Variants in SLC39A3 observed in about 807,000 individuals in gnomAD.
SLC39A3 encodes zinc transporter ZIP3.
Under a neutral mutation model 5.1 loss-of-function variants are expected in SLC39A3, and 3 were observed. The observed-to-expected ratio is 0.59, with a 90% CI of 0.27 to 1.54. The LOEUF (loss-of-function observed/expected upper bound fraction) is 1.54, where lower values mean the gene tolerates loss of function less well. SLC39A3 is among the 40% of genes most tolerant of loss of function. The probability of loss-of-function intolerance (pLI) is 0.12; values close to 1 mark genes in which losing one functional copy is unlikely to be tolerated. For missense variants in SLC39A3, 412 were observed against 436.4 expected (o/e 0.94, Z 0.50); for synonymous variants, 250 against 218.8 (o/e 1.14, Z -1.26).
At position 2,733,197 on chromosome 19, in the gene SLC39A3, G is replaced by A; in HGVS notation, c.499C>T (p.Pro167Ser). The change falls in exon 3 of 3, where the codon CCC becomes TCC. Residue 167 changes from proline to serine, a missense_variant. By Grantham distance (74) the Pro-to-Ser change is moderately conservative. Transcript: ENST00000269740. This position sits in a 1 kb window ranked among gnomAD's most constrained non-coding sequence, Gnocchi z 6.1. ...AAGGCCAGGCTGAGCAGGCGCACGG[G>A]GCTGGCGCGCGAGAGGCCCTGCACG... Reference protein sequence around the residue: ...LSVQGLSRASPVRLLSLAFAL... With the variant: ...LSVQGLSRASSVRLLSLAFAL... 6.2e-7 allele frequency: 1 copy of A among 1,607,738 alleles called. No individual in the cohort carries two copies. The highest frequency in any genetic ancestry group is 8.5e-7 in the Non-Finnish European group (1 of 1,177,266).
intron 1 of SLC39A3, chr19:2,739,427 T>C (rs1464596799): frequency 1.3e-5 from 2 of 152,220 alleles, no homozygotes; most frequent in Non-Finnish European, 2.9e-5. Flanking sequence ...ATGGCCCCGC[T>C]ACCTCACTGC....
In SLC39A3 at chr19:2,732,976, G is replaced by A. The variant is rs770734927; in HGVS notation, c.720C>T (p.Ile240=). Residue 240 remains isoleucine, a synonymous_variant, in exon 3 of 3, where the codon ATC becomes ATT. Coordinates refer to ENST00000269740, the MANE Select transcript of SLC39A3 (RefSeq NM_144564.5). Reference sequence around the variant, plus strand: ...CCAGGCCCAGGCCGATGCCCAGGGGGATCATGGCGCTTACGGTGACCGCCA... The same window carrying A: ...CCAGGCCCAGGCCGATGCCCAGGGGAATCATGGCGCTTACGGTGACCGCCA... The part of the protein sequence containing the change: ...AKLAVTVSAM[I]PLGIGLGLGI... The A allele has an allele frequency of 5.6e-6, 9 of 1,601,982 alleles. No homozygotes were observed. Among genetic ancestry groups the A allele is most frequent in the Non-Finnish European group, 7.7e-6 (9 of 1,173,294 alleles).
Position 2,733,307 on chromosome 19 carries a change from T to C in SLC39A3, c.389A>G (p.Asp130Gly). ...TFNAGSDVGS[D>G]SEYESPFMGG... Reference sequence around the variant, plus strand: ...CATGAAGGGGCTCTCATACTCCGAGTCGCTGCCCACGTCCGATCCGGCGTT... The same window carrying C: ...CATGAAGGGGCTCTCATACTCCGAGCCGCTGCCCACGTCCGATCCGGCGTT... The change falls in exon 3 of 3, where the codon GAC (aspartate) becomes GGC (glycine). Residue 130 changes from aspartate (D) to glycine (G), a missense_variant. Physicochemically the swap from Asp to Gly is moderately conservative, Grantham distance 94. Transcript: ENST00000269740. This position sits in a 1 kb window ranked among gnomAD's most constrained non-coding sequence, Gnocchi z 6.1. 1 of 1,612,696 alleles carries C rather than the reference T, an allele frequency of 6.2e-7. No homozygotes were observed. The highest frequency in any genetic ancestry group is 8.5e-7 in the Non-Finnish European group (1 of 1,179,942).
chr19:2,738,969 A>G (rs1351303745), intron 1 of SLC39A3, among the ~76,000 whole-genome samples: 1 of 150,594 alleles, frequency 6.6e-6, no homozygotes, highest in East Asian at 1.9e-4. Flanking sequence ...GCATGGTGGT[A>G]CGTGCCTGTA....
At position 2,734,219 on chromosome 19, in the gene SLC39A3, G is replaced by A. The variant is rs539040042; in HGVS notation, c.211-734C>T. Among the ~76,000 whole-genome samples, 44 of 152,382 alleles carry A rather than the reference G, an allele frequency of 2.9e-4. No individual in the cohort carries two copies. The highest frequency in any genetic ancestry group is 9.1e-4 in the African/African-American group (38 of 41,596). ...TGAAATGTCTCATGAAAGGCAGGCT[G>A]TAAACGCCCACAACAGCTCCCTGGA... On this transcript the variant is annotated intron_variant, in intron 2 of 2. Transcript: ENST00000269740. This position sits in a 1 kb window ranked among gnomAD's most constrained non-coding sequence, Gnocchi z 4.6.
At position 2,733,434 on chromosome 19, in the gene SLC39A3, C is replaced by T. The variant is rs766416790; in HGVS notation, c.262G>A (p.Glu88Lys). The T allele has an allele frequency of 3.1e-6, 5 of 1,612,894 alleles. No homozygotes were observed. In the East Asian group the frequency reaches 6.7e-5, roughly 22 times the overall value. ...AAGAAGCCCAGCAGGAGGATGGTTT[C>T]GGCCAGCGGGTAGTCGGTGCTGATG... ...GHISTDYPLA[E>K]TILLLGFFMT... Residue 88 changes from glutamate to lysine, a missense_variant, in exon 3 of 3, where the codon GAA (glutamate) becomes AAA (lysine). Glu to Lys is a moderately conservative substitution (Grantham distance 56). Transcript: ENST00000269740. The surrounding 1 kb of genome is among the most constrained non-coding windows in gnomAD (Gnocchi z 6.1).
At chr19:2,738,955 C>T (rs951113840) in intron 1 of SLC39A3, among the ~76,000 whole-genome samples, 1 of 150,402 alleles carries the variant, frequency 6.6e-6, no homozygotes, top group Non-Finnish European at 1.5e-5. Context: ...AAAAAATTAG[C>T]TGGGCATGGT....
Position 2,737,163 on chromosome 19 carries a change from G to A in SLC39A3, c.95C>T (p.Thr32Ile), listed in dbSNP as rs1914396250. 2 of 1,614,152 alleles carry A rather than the reference G, an allele frequency of 1.2e-6. No individual in the cohort carries two copies. Among genetic ancestry groups the A allele is most frequent in the Non-Finnish European group, 1.7e-6 (2 of 1,180,034 alleles). The change falls in exon 2 of 3, where the codon ACA becomes ATA. Residue 32 changes from threonine (T) to isoleucine (I), a missense_variant. Transcript: ENST00000269740. ...CGAGCGATGGGCCTTCTCAAAATCT[G>A]TCTCGATGATCTTCACGGGGAGCAG... ...GSLLPVKIIE[T>I]DFEKAHRSKK...
intron 2 of SLC39A3, chr19:2,736,813 C>G: frequency 6.9e-7 from 1 of 1,458,430 alleles, no homozygotes; most frequent in Non-Finnish European, 9.1e-7. Context: ...CAGGTGACAA[C>G]CGACAAGTCC....
Position 2,737,273 on chromosome 19 carries a change from T to A in SLC39A3, c.-16A>T. 1 of 1,598,734 alleles carries A rather than the reference T, an allele frequency of 6.3e-7. No individual in the cohort carries two copies. The highest frequency in any genetic ancestry group is 8.5e-7 in the Non-Finnish European group (1 of 1,172,300). On this transcript the variant is annotated 5_prime_UTR_variant, in exon 2 of 3. Transcript: ENST00000269740. ...ATTTCACCATGGTGGCGGCTTGGGC[T>A]GCTCTGGTCACTGCAGGGCCAAACC...
intron 1 of SLC39A3, among the ~76,000 whole-genome samples, chr19:2,738,152 T>A (rs1599486756): frequency 7.5e-6 from 1 of 132,928 alleles, no homozygotes; most frequent in Non-Finnish European, 1.5e-5. Flanking sequence ...TGAGCCAAGA[T>A]GGCACCACCG....
rs1914351226 is a variant in SLC39A3, at chr19:2,735,898, G to C, written c.210+1150C>G. Reference sequence around the variant, plus strand: ...CTCCTCCTTTCTGGACACTAGGCACGAGGAAAAGCAGGGCCAGGGGTTGGG... The same window carrying C: ...CTCCTCCTTTCTGGACACTAGGCACCAGGAAAAGCAGGGCCAGGGGTTGGG... On this transcript the variant is annotated intron_variant, in intron 2 of 2. Coordinates refer to ENST00000269740, the MANE Select transcript of SLC39A3 (RefSeq NM_144564.5). This position sits in a 1 kb window ranked among gnomAD's most constrained non-coding sequence, Gnocchi z 5.7. 1 of 985,402 alleles carries C rather than the reference G, an allele frequency of 1.0e-6. No homozygotes were observed. Among genetic ancestry groups the C allele is most frequent in the Non-Finnish European group, 1.2e-6 (1 of 830,014 alleles). The allele number at this position is 985,402 out of a possible 1,614,324, so 61.0% of individuals were successfully genotyped here.
rs143598433 is a variant in SLC39A3, at chr19:2,737,138, C to T, written c.120G>A (p.Ser40=). 6.8e-6 allele frequency: 11 copies of T among 1,614,008 alleles called. No individual in the cohort carries two copies. Among genetic ancestry groups the T allele is most frequent in the African/African-American group, 4.0e-5 (3 of 74,888 alleles). The stretch of plus-strand genomic sequence containing the variant: ...TGTTGCAGAGAGAGAGGATCTTTTT[C>T]GAGCGATGGGCCTTCTCAAAATCTG... ...IETDFEKAHR[S]KKILSLCNTF... is the part of the protein sequence containing the mutation. Residue 40 remains serine, a synonymous_variant, in exon 2 of 3, where the codon TCG becomes TCA. Coordinates refer to ENST00000269740, the MANE Select transcript of SLC39A3 (RefSeq NM_144564.5).
At position 2,733,548 on chromosome 19, in the gene SLC39A3, C is replaced by T; in HGVS notation, c.211-63G>A. The T allele has an allele frequency of 1.3e-6, 2 of 1,540,082 alleles. No individual in the cohort carries two copies. The highest frequency in any genetic ancestry group is 1.7e-6 in the Non-Finnish European group (2 of 1,146,194). ...ACGCTCAGGGGTGGCGGCGACAGGG[C>T]TGGCCAGATGTCACCGTTCAAAGCA... On this transcript the variant is annotated intron_variant, in intron 2 of 2. Transcript: ENST00000269740. The surrounding 1 kb of genome is among the most constrained non-coding windows in gnomAD (Gnocchi z 6.1).
chr19:2,733,143 C>T lies in SLC39A3; in HGVS notation c.553G>A (p.Gly185Ser). 6.2e-7 allele frequency: 1 copy of T among 1,611,102 alleles called. No individual in the cohort carries two copies. The highest frequency in any genetic ancestry group is 8.5e-7 in the Non-Finnish European group (1 of 1,179,146). The change falls in exon 3 of 3, where the codon GGC becomes AGC. Residue 185 changes from glycine to serine, a missense_variant. Physicochemically the swap from Gly to Ser is moderately conservative, Grantham distance 56. Transcript: ENST00000269740. The surrounding 1 kb of genome is among the most constrained non-coding windows in gnomAD (Gnocchi z 6.1). ...FALSAHSVFEGLALGLQEEGE... is the reference protein window; with the variant it reads ...FALSAHSVFESLALGLQEEGE... ...TCCTCCTGCAGGCCCAGGGCCAGGC[C>T]CTCAAAGACCGAGTGGGCCGACAGC...
chr19:2,735,768 G>C lies in SLC39A3; in HGVS notation c.210+1280C>G. Reference sequence around the variant, plus strand: ...TACCCACACTCGAGGGGAGGGAAGAGCATGGGGCGTGCGGAGCAGGGGCTG... The same window carrying C: ...TACCCACACTCGAGGGGAGGGAAGACCATGGGGCGTGCGGAGCAGGGGCTG... On this transcript the variant is annotated intron_variant, in intron 2 of 2. Coordinates refer to ENST00000269740, the MANE Select transcript of SLC39A3 (RefSeq NM_144564.5). This position sits in a 1 kb window ranked among gnomAD's most constrained non-coding sequence, Gnocchi z 5.7. The C allele has an allele frequency of 1.1e-6, 1 of 892,448 alleles. No individual in the cohort carries two copies. The allele number at this position is 892,448 out of a possible 1,614,324, so 55.3% of individuals were successfully genotyped here. A position where few individuals can be genotyped will look rare whatever the true frequency, so the allele number is the denominator to read the frequency against.
rs777664946 is a variant in SLC39A3 at position 2,734,686 on chromosome 19, G to GT, written c.211-1202dup. 208 of 971,040 alleles carry GT rather than the reference G, an allele frequency of 2.1e-4. No homozygotes were observed. The highest frequency in any genetic ancestry group is 2.4e-4 in the Non-Finnish European group (196 of 816,920). 60.2% of individuals were successfully genotyped at this position (971,040 alleles called of 1,614,324 possible). A position where few individuals can be genotyped will look rare whatever the true frequency, so the allele number is the denominator to read the frequency against. On this transcript the variant is annotated intron_variant, in intron 2 of 2. Transcript: ENST00000269740. This position sits in a 1 kb window ranked among gnomAD's most constrained non-coding sequence, Gnocchi z 4.6. ...CTCCAGGCCAGGAGCACCCCCCATC[G>GT]TGACAACCACAATGTCCCCAGGCAT...
Position 2,734,331 on chromosome 19 carries a change from A to C in SLC39A3, c.211-846T>G, listed in dbSNP as rs1461085547. ...GGAGGAAAATCACAACACAATCGAC[A>C]CTCAACAATGCCTGCTTCCCTGCTT... On this transcript the variant is annotated intron_variant, in intron 2 of 2. Transcript: ENST00000269740. This position sits in a 1 kb window ranked among gnomAD's most constrained non-coding sequence, Gnocchi z 4.6. Among the ~76,000 whole-genome samples the C allele has an allele frequency of 1.3e-5, 2 of 152,000 alleles. No homozygotes were observed. Among genetic ancestry groups the C allele is most frequent in the Non-Finnish European group, 2.9e-5 (2 of 67,984 alleles).
In SLC39A3 at chr19:2,733,162, C is replaced by A; in HGVS notation, c.534G>T (p.Ser178=). 6.2e-7 allele frequency: 1 copy of A among 1,610,482 alleles called. No individual in the cohort carries two copies. Among genetic ancestry groups the A allele is most frequent in the Non-Finnish European group, 8.5e-7 (1 of 1,178,882 alleles). The stretch of plus-strand genomic sequence containing the variant: ...CCAGGCCCTCAAAGACCGAGTGGGC[C>A]GACAGCGCGAAGGCCAGGCTGAGCA... The part of the protein sequence containing the change: ...VRLLSLAFAL[S]AHSVFEGLAL... The change falls in exon 3 of 3, where the codon TCG becomes TCT. Residue 178 remains serine (S), a synonymous_variant. Coordinates refer to ENST00000269740, the MANE Select transcript of SLC39A3 (RefSeq NM_144564.5). The surrounding 1 kb of genome is among the most constrained non-coding windows in gnomAD (Gnocchi z 6.1).
Sources: gnomAD v4.1 joint callset for allele counts (sites outside exome capture counted in the v4.1 genomes callset) on GRCh38, gnomAD v4.1.1 for gene constraint, Gnocchi (gnomAD v3.1) non-coding constraint, MANE v1.5 for transcripts, NCBI Gene and HGNC (gene_info 2026-07-23, HGNC 2026-07-21) for gene names.